The following CNTN5 variants were observed in gnomAD, a reference collection of about 807,000 sequenced individuals.
The protein encoded by CNTN5 is contactin 5.
CNTN5 carries 77 observed loss-of-function variants against 129.1 expected under a neutral mutation model. The observed-to-expected ratio is 0.60, with a 90% CI of 0.50 to 0.72. The LOEUF (loss-of-function observed/expected upper bound fraction) is 0.72, where lower values mean the gene tolerates loss of function less well. Ranked by LOEUF, CNTN5 falls within the 30% of genes least tolerant of loss-of-function variation. The probability of loss-of-function intolerance (pLI) is 0.00; values close to 1 mark genes in which losing one functional copy is unlikely to be tolerated. For missense variants in CNTN5, 1,478 were observed against 1,328.8 expected (o/e 1.11, Z -1.75); for synonymous variants, 509 against 465.6 (o/e 1.09, Z -1.20).
chr11:100,054,466 G>A (rs1335075994), intron 9 of CNTN5, among the ~76,000 whole-genome samples: 1 of 151,800 alleles, frequency 6.6e-6, no homozygotes, highest in African/African-American at 2.4e-5. Flanking sequence ...AATGTAGCTA[G>A]TAATAATCAC....
intron 7 of CNTN5, among the ~76,000 whole-genome samples, chr11:99,937,961 C>A (rs575320856): frequency 6.6e-6 from 1 of 152,238 alleles, no homozygotes; most frequent in Admixed American, 6.5e-5. Flanking sequence ...ACAAAAGAAA[C>A]AAAACATTCC....
chr11:99,453,155 A>G (rs561250814), intron 2 of CNTN5, among the ~76,000 whole-genome samples: 2 of 152,344 alleles, frequency 1.3e-5, no homozygotes, highest in East Asian at 3.9e-4. Context: ...TATAGTAAAT[A>G]TAAGCCATGA....
chr11:100,193,662 C>G lies in CNTN5; in HGVS notation c.1883C>G (p.Ala628Gly). Residue 628 changes from alanine (A) to glycine (G), a missense_variant and splice_region_variant, in exon 15 of 25, where the codon GCC (alanine) becomes GGC (glycine). By Grantham distance (60) the Ala-to-Gly change is moderately conservative (BLOSUM62 0). Coordinates refer to ENST00000524871, the MANE Select transcript of CNTN5 (RefSeq NM_014361.4). Reference sequence around the variant, plus strand: ...GGTGGACATTTTGAAAGCATCAGGGCCGTAAGTGAATACACTTTTATTCTT... The same window carrying G: ...GGTGGACATTTTGAAAGCATCAGGGGCGTAAGTGAATACACTTTTATTCTT... ...EEGGHFESIRAQASSADLMIR... is the reference protein window; with the variant it reads ...EEGGHFESIRGQASSADLMIR... 4 of 1,608,436 alleles carry G rather than the reference C, an allele frequency of 2.5e-6. No individual in the cohort carries two copies. The highest frequency in any genetic ancestry group is 1.3e-5 in the African/African-American group (1 of 74,608).
chr11:99,303,592 T>C (rs1159758495), intron 1 of CNTN5, among the ~76,000 whole-genome samples: 1 of 151,400 alleles, frequency 6.6e-6, no homozygotes, highest in African/African-American at 2.4e-5. Flanking sequence ...TGTAGTTCAA[T>C]TACATGCTAC....
At chr11:99,142,414 C>T (rs971138530) in intron 1 of CNTN5, among the ~76,000 whole-genome samples, 4 of 152,010 alleles carry the variant, frequency 2.6e-5, no homozygotes, top group Non-Finnish European at 4.4e-5. Context: ...CAGGTGCGCA[C>T]CAATGGAGGG....
chr11:99,645,784 A>ACCG (rs1951938240), intron 3 of CNTN5, among the ~76,000 whole-genome samples: 1 of 105,840 alleles, frequency 9.4e-6, no homozygotes. Context: ...AACATTGCAC[A>ACCG]CTTGGGCCTG....
chr11:99,831,834 C>T (rs1591274665), intron 4 of CNTN5, among the ~76,000 whole-genome samples: 1 of 152,268 alleles, frequency 6.6e-6, no homozygotes, highest in Middle Eastern at 3.4e-3. Context: ...CACCTACCTA[C>T]TAAGGTTTTT....
At chr11:99,594,710 T>C (rs1020969918) in intron 3 of CNTN5, among the ~76,000 whole-genome samples, 5 of 152,190 alleles carry the variant, frequency 3.3e-5, no homozygotes, top group Non-Finnish European at 7.4e-5. Flanking sequence ...TGGTTAACGA[T>C]GGTTTGCCAC....
intron 3 of CNTN5, among the ~76,000 whole-genome samples, chr11:99,663,328 C>T (rs577049230): frequency 2.6e-4 from 39 of 152,086 alleles, no homozygotes; most frequent in Non-Finnish European, 4.7e-4. Flanking sequence ...AATAGCTGAG[C>T]GTGTTCATGG....
At chr11:99,434,369 A>G (rs765165537) in intron 2 of CNTN5, among the ~76,000 whole-genome samples, 3 of 152,198 alleles carry the variant, frequency 2.0e-5, no homozygotes, top group Admixed American at 6.5e-5. Context: ...TAGCAGAGAA[A>G]ATTGACTGAC....
intron 15 of CNTN5, among the ~76,000 whole-genome samples, chr11:100,195,209 G>C (rs1243331265): frequency 6.6e-6 from 1 of 151,814 alleles, no homozygotes; most frequent in Non-Finnish European, 1.5e-5. Flanking sequence ...ATCTTCTTAG[G>C]ATTGTCTGCA....
intron 6 of CNTN5, among the ~76,000 whole-genome samples, chr11:99,854,909 C>A (rs1481077532): frequency 6.6e-6 from 1 of 151,886 alleles, no homozygotes; most frequent in African/African-American, 2.4e-5. Context: ...AAGAAAGAAG[C>A]TAGTGAAAGA....
intron 9 of CNTN5, among the ~76,000 whole-genome samples, chr11:100,054,605 TCATTCTCCAGTATG>T (rs1220516652): frequency 6.6e-6 from 1 of 151,856 alleles, no homozygotes; most frequent in East Asian, 1.9e-4. Context: ...CTTCATCTCC[TCATTCTCCAGTATG>T]CATTCGTTTC....
At chr11:99,402,130 G>T (rs576222281) in intron 2 of CNTN5, among the ~76,000 whole-genome samples, 11 of 152,210 alleles carry the variant, frequency 7.2e-5, no homozygotes, top group African/African-American at 2.6e-4. Context: ...TCATAGTGAG[G>T]ATTGTTGTCA....
At position 100,341,077 on chromosome 11, in the gene CNTN5, A is replaced by C. The variant is rs749589993; in HGVS notation, c.2918-16A>C. On this transcript the variant is annotated splice_polypyrimidine_tract_variant and intron_variant, in intron 22 of 24. Coordinates refer to ENST00000524871, the MANE Select transcript of CNTN5 (RefSeq NM_014361.4). ...TAAGAATCCTTGTCAGTTCACTTTCACTTTTTATTTTGCAGCTCCTAGTCA... is the reference window on the plus strand; with the variant it reads ...TAAGAATCCTTGTCAGTTCACTTTCCCTTTTTATTTTGCAGCTCCTAGTCA... 3 of 1,546,248 alleles carry C rather than the reference A, an allele frequency of 1.9e-6. No individual in the cohort carries two copies. Among genetic ancestry groups the C allele is most frequent in the Non-Finnish European group, 2.7e-6 (3 of 1,119,108 alleles).
chr11:99,681,997 A>G (rs887557961), intron 3 of CNTN5, among the ~76,000 whole-genome samples: 1 of 152,042 alleles, frequency 6.6e-6, no homozygotes. Flanking sequence ...AGGAAACACA[A>G]AAAAGGGTAA....
intron 7 of CNTN5, among the ~76,000 whole-genome samples, chr11:99,925,525 A>G (rs1014915357): frequency 2.0e-4 from 30 of 152,156 alleles, no homozygotes; most frequent in African/African-American, 7.2e-4. Flanking sequence ...CTGAAGGACT[A>G]AAGATGCTGA....
At chr11:99,203,470 TA>T (rs1859319341) in intron 1 of CNTN5, among the ~76,000 whole-genome samples, 1 of 151,546 alleles carries the variant, frequency 6.6e-6, no homozygotes, top group African/African-American at 2.4e-5. Context: ...TATAATAAGT[TA>T]TAGGCAAATT....
intron 6 of CNTN5, among the ~76,000 whole-genome samples, chr11:99,902,660 T>A (rs941418872): frequency 6.6e-6 from 1 of 152,106 alleles, no homozygotes; most frequent in Non-Finnish European, 1.5e-5. Flanking sequence ...TCTCAAGAAT[T>A]AATTTATATA....
Sources: gnomAD v4.1 joint callset for allele counts (sites outside exome capture counted in the v4.1 genomes callset) on GRCh38, gnomAD v4.1.1 for gene constraint, MANE v1.5 for transcripts, NCBI Gene and HGNC (gene_info 2026-07-23, HGNC 2026-07-21) for gene names.